ULK4: variants seen among roughly 807,000 people sequenced by gnomAD.
ULK4 encodes the protein unc-51 like kinase 4.
Under a neutral mutation model 160.6 loss-of-function variants are expected in ULK4, and 133 were observed. The observed-to-expected ratio is 0.83, with a 90% confidence interval of 0.72 to 0.96. The LOEUF (loss-of-function observed/expected upper bound fraction) is 0.96, where lower values mean the gene tolerates loss of function less well. Among genes scored for constraint, ULK4 ranks in the 40% least tolerant of loss-of-function variants. ULK4 has a pLI of 0.00. For missense variants in ULK4, 1,580 were observed against 1,499.5 expected (o/e 1.05, Z -0.89); for synonymous variants, 534 against 539.8 (o/e 0.99, Z 0.15).
chr3:41,461,890 T>C (rs2083694240), intron 33 of ULK4, among the ~76,000 whole-genome samples: 1 of 152,222 alleles, frequency 6.6e-6, no homozygotes, highest in Non-Finnish European at 1.5e-5. Context: ...TAAGAAACTG[T>C]GTTCTCTGAA....
At chr3:41,702,162 T>C (rs1219542221) in intron 27 of ULK4, among the ~76,000 whole-genome samples, 1 of 152,164 alleles carries the variant, frequency 6.6e-6, no homozygotes. Context: ...TATGTATTTA[T>C]TTATTTATTT....
chr3:41,800,199 A>G lies in ULK4; in HGVS notation c.1943T>C (p.Ile648Thr), dbSNP rs756140284. The change falls in exon 20 of 37, where the codon ATA becomes ACA. Residue 648 changes from isoleucine (I) to threonine (T), a missense_variant. Transcript: ENST00000301831. ...AQSQGFITGE[I>T]GPILWYLFRH... ...GAATAGGTACCACAAAATGGGTCCT[A>G]TTTCTCCTGTAATAAAGCCCTGGGA... is the stretch of plus-strand genomic sequence containing the variant. The G allele has an allele frequency of 1.9e-6, 3 of 1,613,852 alleles. No homozygotes were observed. The highest frequency in any genetic ancestry group is 2.7e-5 in the African/African-American group (2 of 75,024).
chr3:41,940,623 C>A (rs191070007), intron 2 of ULK4, among the ~76,000 whole-genome samples: 32 of 152,172 alleles, frequency 2.1e-4, no homozygotes, highest in Admixed American at 2.0e-3. Flanking sequence ...CACCACTGCA[C>A]TCCAGCCTGG....
chr3:41,398,202 C>T lies in ULK4; in HGVS notation c.3555G>A (p.Gln1185=). 1 of 1,613,418 alleles carries T rather than the reference C, an allele frequency of 6.2e-7. No homozygotes were observed. Among genetic ancestry groups the T allele is most frequent in the Non-Finnish European group, 8.5e-7 (1 of 1,179,660 alleles). ...TGTCCGGGTTTTCCCCTCCATACAG[C>T]TGAACCAGTATAGACAGGCACTTGG... ...VSSKCLSILV[Q]LYGGENPDSL... Residue 1185 remains glutamine, a synonymous_variant, in exon 35 of 37, where the codon CAG becomes CAA. Coordinates refer to ENST00000301831, the MANE Select transcript of ULK4 (RefSeq NM_017886.4).
chr3:41,294,638 C>T (rs1160541291), intron 35 of ULK4, among the ~76,000 whole-genome samples: 1 of 152,196 alleles, frequency 6.6e-6, no homozygotes, highest in Admixed American at 6.5e-5. Flanking sequence ...TTTGTCCAAA[C>T]ACACTGAACC....
At chr3:41,755,737 G>C (rs1162919824) in intron 21 of ULK4, among the ~76,000 whole-genome samples, 2 of 152,144 alleles carry the variant, frequency 1.3e-5, no homozygotes, top group African/African-American at 2.4e-5. Flanking sequence ...CATGATAACT[G>C]ACTGCAATTC....
intron 35 of ULK4, among the ~76,000 whole-genome samples, chr3:41,301,456 A>C (rs1321637776): frequency 1.3e-5 from 2 of 152,182 alleles, no homozygotes; most frequent in Non-Finnish European, 2.9e-5. Flanking sequence ...GCACTAACTT[A>C]TTTAATGGTA....
chr3:41,848,467 C>G (rs1416882808), intron 17 of ULK4, among the ~76,000 whole-genome samples: 1 of 152,172 alleles, frequency 6.6e-6, no homozygotes, highest in Admixed American at 6.5e-5. Context: ...CTGCACTGTG[C>G]CTGGTCTGTA....
chr3:41,943,145 G>A (rs1337502030), intron 2 of ULK4, among the ~76,000 whole-genome samples: 6 of 150,848 alleles, frequency 4.0e-5, no homozygotes, highest in Non-Finnish European at 3.0e-5. Flanking sequence ...CCCGGCAGGC[G>A]GAGCTTGCAG....
chr3:41,397,256 C>T (rs1213197912), intron 35 of ULK4, among the ~76,000 whole-genome samples: 2 of 152,004 alleles, frequency 1.3e-5, no homozygotes, highest in Non-Finnish European at 2.9e-5. Flanking sequence ...TAGACGTCAG[C>T]TATATATGCA....
chr3:41,640,792 T>G (rs146758636), intron 30 of ULK4, among the ~76,000 whole-genome samples: 1 of 152,280 alleles, frequency 6.6e-6, no homozygotes, highest in East Asian at 1.9e-4. Flanking sequence ...TCCAACGATA[T>G]ATACAACTTT....
chr3:41,246,818 A>G lies in ULK4; in HGVS notation c.*111T>C. 2.3e-6 allele frequency: 3 copies of G among 1,298,018 alleles called. No homozygotes were observed. The highest frequency in any genetic ancestry group is 3.2e-6 in the Non-Finnish European group (3 of 934,168). The allele number at this position is 1,298,018 out of a possible 1,614,324, so 80.4% of individuals were successfully genotyped here. On this transcript the variant is annotated 3_prime_UTR_variant, in exon 37 of 37. Coordinates refer to ENST00000301831, the MANE Select transcript of ULK4 (RefSeq NM_017886.4). ...GGTTCTGGGTTAAGCTGACTTTATT[A>G]GGTCCAAAGACAGCTGTGAGGGGAT... is the stretch of plus-strand genomic sequence containing the variant.
chr3:41,595,094 T>C (rs2031603603), intron 31 of ULK4, among the ~76,000 whole-genome samples: 1 of 152,202 alleles, frequency 6.6e-6, no homozygotes, highest in South Asian at 2.1e-4. Flanking sequence ...ATACTTAGGA[T>C]AGTTTTTTCA....
intron 34 of ULK4, among the ~76,000 whole-genome samples, chr3:41,406,679 CTCT>C (rs2082299715): frequency 6.6e-6 from 1 of 152,140 alleles, no homozygotes; most frequent in Admixed American, 6.5e-5. Context: ...TCTGCTCATT[CTCT>C]TTTTTCTACT....
chr3:41,693,574 CATTCAGT>C (rs1367087162), intron 27 of ULK4, among the ~76,000 whole-genome samples: 1 of 152,046 alleles, frequency 6.6e-6, no homozygotes, highest in Non-Finnish European at 1.5e-5. Flanking sequence ...TAGTATGTTA[CATTCAGT>C]ATAAGAAGGA....
intron 30 of ULK4, among the ~76,000 whole-genome samples, chr3:41,649,656 C>T (rs2034657948): frequency 6.6e-6 from 1 of 152,234 alleles, no homozygotes; most frequent in African/African-American, 2.4e-5. Flanking sequence ...TGCCAATGAG[C>T]ATGGGAAGAA....
chr3:41,650,912 A>G (rs1377424449), intron 30 of ULK4, among the ~76,000 whole-genome samples: 1 of 152,242 alleles, frequency 6.6e-6, no homozygotes, highest in Non-Finnish European at 1.5e-5. Flanking sequence ...CATAGAGACA[A>G]CACTAAAATA....
At chr3:41,388,859 C>T (rs2081886529) in intron 35 of ULK4, among the ~76,000 whole-genome samples, 1 of 152,144 alleles carries the variant, frequency 6.6e-6, no homozygotes, top group Non-Finnish European at 1.5e-5. Flanking sequence ...GCTATACAGG[C>T]TCTTTTTTGG....
chr3:41,363,088 C>T (rs1043497026), intron 35 of ULK4, among the ~76,000 whole-genome samples: 3 of 152,238 alleles, frequency 2.0e-5, no homozygotes, highest in Admixed American at 6.5e-5. Flanking sequence ...CTGCCTATCC[C>T]TACAATGCCC....
Sources: allele counts gnomAD v4.1 joint callset (sites outside exome capture counted in the v4.1 genomes callset), GRCh38; gene constraint gnomAD v4.1.1; transcripts MANE v1.5; gene names NCBI Gene and HGNC (gene_info 2026-07-23, HGNC 2026-07-21).